DOCK9: variants seen among roughly 807,000 people sequenced by gnomAD.
DOCK9 encodes the protein dedicator of cytokinesis protein 9.
Under a neutral mutation model 263.3 loss-of-function variants are expected in DOCK9, and 89 were observed. The ratio of observed to expected loss-of-function variants is 0.34; its 90% CI spans 0.28 to 0.40. The LOEUF (loss-of-function observed/expected upper bound fraction) is 0.40, where lower values mean the gene tolerates loss of function less well. Ranked by LOEUF, DOCK9 falls within the 10% of genes least tolerant of loss-of-function variation. DOCK9 has a pLI of 1.00. For missense variants in DOCK9, 2,140 were observed against 2,603.4 expected (o/e 0.82, Z 3.87); for synonymous variants, 976 against 973.1 (o/e 1.00, Z -0.06).
intron 1 of DOCK9, among the ~76,000 whole-genome samples, chr13:99,032,941 A>C (rs1566330021): frequency 6.6e-6 from 1 of 152,276 alleles, no homozygotes; most frequent in Non-Finnish European, 1.5e-5. Context: ...TGGAAGTTTT[A>C]ATTTCACTTC....
chr13:99,056,093 A>G (rs1280726026), intron 1 of DOCK9, among the ~76,000 whole-genome samples: 1 of 152,254 alleles, frequency 6.6e-6, no homozygotes, highest in African/African-American at 2.4e-5. Flanking sequence ...TTTAAATTCC[A>G]CAAGGTCTTT....
intron 27 of DOCK9, chr13:98,871,786 C>G (rs1466926467): frequency 6.6e-6 from 1 of 152,552 alleles, no homozygotes; most frequent in African/African-American, 2.4e-5. Flanking sequence ...CTGGCACCAC[C>G]TGACAGGTGC....
chr13:98,805,222 CA>C lies in DOCK9; in HGVS notation c.5515-14del. ...CCTTAGGGTTGACCTTTAATTGAAACAGCACAATGGGAGATTGGTGCTCCAT... is the reference window on the plus strand; with the variant it reads ...CCTTAGGGTTGACCTTTAATTGAAACGCACAATGGGAGATTGGTGCTCCAT... On this transcript the variant is annotated splice_polypyrimidine_tract_variant and intron_variant, in intron 48 of 52. Coordinates refer to ENST00000682017, the MANE Select transcript of DOCK9 (RefSeq NM_001366683.2). 6.3e-7 allele frequency: 1 copy of C among 1,576,206 alleles called. No individual in the cohort carries two copies. The highest frequency in any genetic ancestry group is 1.3e-5 in the African/African-American group (1 of 74,588).
chr13:98,886,720 A>G, intron 18 of DOCK9, 96 bp from the exon 19 acceptor site: 1 of 1,175,220 alleles, frequency 8.5e-7, no homozygotes, highest in East Asian at 2.5e-5. Context: ...CCTACGGCAT[A>G]GACTTAGCAT....
intron 9 of DOCK9, among the ~76,000 whole-genome samples, chr13:98,909,603 A>C (rs1038812629): frequency 2.6e-5 from 4 of 152,310 alleles, no homozygotes; most frequent in South Asian, 2.1e-4. Flanking sequence ...CTTCCAAGAC[A>C]CCTAACTTCT....
chr13:98,853,277 A>T, intron 35 of DOCK9, 131 bp downstream of exon 35: 1 of 564,012 alleles, frequency 1.8e-6, no homozygotes. Flanking sequence ...AATTACATTT[A>T]GTCAATGAAT....
intron 47 of DOCK9, chr13:98,808,520 C>T (rs2090970578): frequency 1.4e-6 from 1 of 716,858 alleles, no homozygotes; most frequent in Non-Finnish European, 2.4e-6. Context: ...GAAAATGGTG[C>T]ACAAAACAGT....
At chr13:99,031,123 TAAA>T (rs1555297072) in intron 1 of DOCK9, among the ~76,000 whole-genome samples, 1 of 151,532 alleles carries the variant, frequency 6.6e-6, no homozygotes, top group Non-Finnish European at 1.5e-5. Context: ...ATGTTTTTTT[TAAA>T]AAAAAGTATC....
At chr13:99,083,072 T>C (rs2042191562) in intron 1 of DOCK9, among the ~76,000 whole-genome samples, 1 of 152,062 alleles carries the variant, frequency 6.6e-6, no homozygotes, top group Non-Finnish European at 1.5e-5. Flanking sequence ...CTAGCCAACA[T>C]GATGAAACCT....
chr13:99,028,166 G>C (rs1366930024), intron 1 of DOCK9, among the ~76,000 whole-genome samples: 1 of 152,184 alleles, frequency 6.6e-6, no homozygotes, highest in South Asian at 2.1e-4. Context: ...AGGCAGCAAT[G>C]TTTCCAGTGA....
chr13:98,981,997 C>T (rs1877327210), upstream of DOCK9, among the ~76,000 whole-genome samples: 1 of 152,192 alleles, frequency 6.6e-6, no homozygotes, highest in Admixed American at 6.5e-5. Flanking sequence ...ACCTTGAGTT[C>T]CTTCACACAC....
At position 98,814,935 on chromosome 13, in the gene DOCK9, C is replaced by CAAAATAAAAT. The variant is rs66599481; in HGVS notation, c.5131-4654_5131-4645dup. ...CCTGGGTGACAGTCAGATTCTGTCT[C>CAAAATAAAAT]AAAATAAAATAAAATAAAATAAAAT... On this transcript the variant is annotated intron_variant, in intron 45 of 52. Transcript: ENST00000682017. Among the ~76,000 whole-genome samples, 528 of 131,250 alleles carry CAAAATAAAAT rather than the reference C, an allele frequency of 4.0e-3. 8 individuals are homozygous for CAAAATAAAAT. The highest frequency in any genetic ancestry group is 0.015 in the African/African-American group (504 of 33,874). 86.1% of individuals were successfully genotyped at this position (131,250 alleles called of 152,430 possible).
At chr13:98,909,608 A>G (rs901774330) in intron 9 of DOCK9, among the ~76,000 whole-genome samples, 1 of 152,148 alleles carries the variant, frequency 6.6e-6, no homozygotes, top group Non-Finnish European at 1.5e-5. Context: ...AAGACACCTA[A>G]CTTCTCAGGA....
At chr13:99,058,809 C>A (rs905305671) in intron 1 of DOCK9, among the ~76,000 whole-genome samples, 1 of 152,318 alleles carries the variant, frequency 6.6e-6, no homozygotes, top group African/African-American at 2.4e-5. Flanking sequence ...CAGCCACACA[C>A]GAGCCCTGCT....
At chr13:98,808,433 T>C (rs1351523181) in intron 47 of DOCK9, among the ~76,000 whole-genome samples, 3 of 152,136 alleles carry the variant, frequency 2.0e-5, no homozygotes, top group African/African-American at 7.2e-5. Context: ...GTGAAAAAGG[T>C]TGAAAATTAA....
chr13:98,907,672 A>T (rs2049330114), intron 9 of DOCK9, among the ~76,000 whole-genome samples: 1 of 152,224 alleles, frequency 6.6e-6, no homozygotes, highest in Non-Finnish European at 1.5e-5. Context: ...GCTCTGCTAC[A>T]AGATAAATAA....
chr13:99,003,661 T>G (rs1433461632), intron 1 of DOCK9, among the ~76,000 whole-genome samples: 1 of 151,344 alleles, frequency 6.6e-6, no homozygotes. Context: ...CTTGACTCCT[T>G]GTCTCTTATT....
intron 5 of DOCK9, among the ~76,000 whole-genome samples, chr13:98,922,973 G>A (rs1255098944): frequency 6.6e-6 from 1 of 152,126 alleles, no homozygotes; most frequent in African/African-American, 2.4e-5. Flanking sequence ...CAGCTGTTTC[G>A]AGATCTGTTG....
chr13:98,870,180 T>G (rs1324001174), intron 27 of DOCK9, among the ~76,000 whole-genome samples: 1 of 152,204 alleles, frequency 6.6e-6, no homozygotes, highest in East Asian at 1.9e-4. Context: ...ATATTATGCA[T>G]TAAATGCCAG....
Sources: allele counts gnomAD v4.1 joint callset (sites outside exome capture counted in the v4.1 genomes callset), GRCh38; gene constraint gnomAD v4.1.1; transcripts MANE v1.5; gene names NCBI Gene and HGNC (gene_info 2026-07-23, HGNC 2026-07-21).